Variants in PCDH11X observed in about 807,000 individuals in gnomAD.
PCDH11X encodes protocadherin 11 X-linked.
Under a neutral mutation model 53.3 loss-of-function variants are expected in PCDH11X, and 18 were observed. The observed-to-expected ratio is 0.34, with a 90% CI of 0.23 to 0.50. The LOEUF (loss-of-function observed/expected upper bound fraction) is 0.50. Ranked by LOEUF, PCDH11X falls within the 20% of genes least tolerant of loss-of-function variation. The pLI is 0.98. For missense variants in PCDH11X, 570 were observed against 1,032.4 expected (o/e 0.55, Z 6.14); for synonymous variants, 279 against 393.3 (o/e 0.71, Z 3.44).
chrX:92,587,673 ACTT>A (rs1439745946), intron 10 of PCDH11X, among the ~76,000 whole-genome samples: 1 of 108,827 alleles, frequency 9.2e-6, no homozygotes, highest in African/African-American at 3.4e-5. Context: ...ATTTTTTCTG[ACTT>A]CTTCTCAGTA....
intron 6 of PCDH11X, among the ~76,000 whole-genome samples, chrX:92,068,792 G>A (rs181832220): frequency 1.8e-5 from 2 of 110,434 alleles, no homozygotes; most frequent in African/African-American, 3.3e-5. Flanking sequence ...TGCTTGCCTC[G>A]GCCTCCCAAA....
intron 9 of PCDH11X, among the ~76,000 whole-genome samples, chrX:92,454,207 T>C (rs2072863095): frequency 9.5e-6 from 1 of 104,810 alleles, no homozygotes; most frequent in Non-Finnish European, 1.9e-5. Flanking sequence ...GTAGTGTATA[T>C]ATACATATTT....
intron 6 of PCDH11X, among the ~76,000 whole-genome samples, chrX:91,902,283 A>G (rs1163429226): frequency 9.1e-6 from 1 of 110,137 alleles, no homozygotes; most frequent in African/African-American, 3.3e-5. Flanking sequence ...CACTACTCAT[A>G]TGTCTCATGT....
chrX:92,006,956 C>G (rs1016095882), intron 6 of PCDH11X, among the ~76,000 whole-genome samples: 2 of 111,489 alleles, frequency 1.8e-5, no homozygotes, highest in African/African-American at 6.5e-5. Flanking sequence ...CCCAAACAAA[C>G]AGAGTCCCTC....
chrX:92,576,140 C>T (rs1358652484), intron 10 of PCDH11X, among the ~76,000 whole-genome samples: 1 of 102,250 alleles, frequency 9.8e-6, no homozygotes, highest in Non-Finnish European at 2.0e-5. Flanking sequence ...CATTATGCAG[C>T]GACTTTCTTT....
intron 6 of PCDH11X, among the ~76,000 whole-genome samples, chrX:92,059,482 T>C (rs1232936821): frequency 1.8e-5 from 2 of 110,817 alleles, no homozygotes; most frequent in Admixed American, 9.7e-5. Context: ...CATTTTCAAT[T>C]GTAACAGTTG....
At chrX:91,976,453 C>G (rs1323749598) in intron 6 of PCDH11X, among the ~76,000 whole-genome samples, 1 of 112,128 alleles carries the variant, frequency 8.9e-6, no homozygotes, top group East Asian at 2.8e-4. Context: ...CATACTTTCT[C>G]TCTTCTATAA....
At chrX:92,038,240 GT>G (rs970816877) in intron 6 of PCDH11X, among the ~76,000 whole-genome samples, 3 of 106,521 alleles carry the variant, frequency 2.8e-5, no homozygotes, top group African/African-American at 1.0e-4. Flanking sequence ...TCCAGGGCAT[GT>G]TAGAGGTCTT....
intron 5 of PCDH11X, among the ~76,000 whole-genome samples, chrX:91,836,552 A>G (rs1375993798): frequency 1.8e-5 from 2 of 110,170 alleles, no homozygotes; most frequent in African/African-American, 6.7e-5. Context: ...ATATAGATAA[A>G]TATTTTTCAT....
intron 6 of PCDH11X, among the ~76,000 whole-genome samples, chrX:91,914,486 TA>T (rs1370138820): frequency 9.0e-6 from 1 of 111,069 alleles, no homozygotes; most frequent in East Asian, 2.8e-4. Context: ...AAAACCAACT[TA>T]AAGCAATTAA....
chrX:92,618,711 C>T lies in PCDH11X; in HGVS notation c.3815C>T (p.Ala1272Val). 1 of 1,212,033 alleles carries T rather than the reference C, an allele frequency of 8.3e-7. No individual in the cohort carries two copies. The highest frequency in any genetic ancestry group is 1.1e-6 in the Non-Finnish European group (1 of 895,499). Residue 1272 changes from alanine (A) to valine (V), a missense_variant, in exon 11 of 11, where the codon GCC becomes GTC. By Grantham distance (64) the Ala-to-Val change is moderately conservative. Coordinates refer to ENST00000682573, the MANE Select transcript of PCDH11X (RefSeq NM_032968.5). ...PQVIALHRSQAQSSVSLQQGW... is the reference protein window; with the variant it reads ...PQVIALHRSQVQSSVSLQQGW... ...GTTATTGCCCTCCATCGTAGTCAGG[C>T]CCAATCATCAGTCAGTTTGCAGCAA...
At chrX:92,613,516 G>A (rs1312549235) in intron 10 of PCDH11X, among the ~76,000 whole-genome samples, 12 of 98,173 alleles carry the variant, frequency 1.2e-4, no homozygotes, top group Non-Finnish European at 2.4e-4. Context: ...TTCTCTAGTT[G>A]CCTTTAAGTT....
chrX:91,825,331 C>G (rs779066845), intron 4 of PCDH11X, among the ~76,000 whole-genome samples: 2 of 111,045 alleles, frequency 1.8e-5, no homozygotes, highest in Non-Finnish European at 3.8e-5. Context: ...AGCGAGACTC[C>G]GTGGGCGTAG....
At chrX:92,343,273 A>ATG (rs2069809608) in intron 8 of PCDH11X, among the ~76,000 whole-genome samples, 1 of 111,819 alleles carries the variant, frequency 8.9e-6, no homozygotes, top group Non-Finnish European at 1.9e-5. Flanking sequence ...AACTTATCAC[A>ATG]AATCAATTGA....
chrX:92,132,645 A>ATATATATATATGTATATATG (rs2065006690), intron 6 of PCDH11X, among the ~76,000 whole-genome samples: 2 of 58,176 alleles, frequency 3.4e-5, no homozygotes, highest in Non-Finnish European at 5.6e-5. Context: ...GTATATATAT[A>ATATATATATATGTATATATG]TATATATATA....
chrX:92,251,963 AAAT>A (rs1228388357), intron 7 of PCDH11X, among the ~76,000 whole-genome samples: 2 of 111,544 alleles, frequency 1.8e-5, no homozygotes, highest in Non-Finnish European at 3.8e-5. Context: ...TTTAGCCAAA[AAAT>A]AATAAGACAA....
At chrX:92,521,885 C>A (rs1458250698) in intron 10 of PCDH11X, among the ~76,000 whole-genome samples, 2 of 109,564 alleles carry the variant, frequency 1.8e-5, no homozygotes, top group Non-Finnish European at 3.8e-5. Context: ...CTAGCTTCAG[C>A]GTTTTCTTCT....
intron 9 of PCDH11X, among the ~76,000 whole-genome samples, chrX:92,434,225 T>C (rs1388619874): frequency 9.1e-6 from 1 of 109,710 alleles, no homozygotes; most frequent in African/African-American, 3.4e-5. Flanking sequence ...CATTTACCCA[T>C]ATGCTGTTTA....
intron 10 of PCDH11X, among the ~76,000 whole-genome samples, chrX:92,558,204 T>A (rs369434324): frequency 9.1e-6 from 1 of 109,839 alleles, no homozygotes; most frequent in East Asian, 2.9e-4. Context: ...TATTTGAATA[T>A]GCAGCATTCA....
Sources: allele counts gnomAD v4.1 joint callset (sites outside exome capture counted in the v4.1 genomes callset), GRCh38; gene constraint gnomAD v4.1.1; transcripts MANE v1.5; gene names NCBI Gene and HGNC (gene_info 2026-07-23, HGNC 2026-07-21).